Variants in SCN2A observed in about 807,000 individuals in gnomAD.
SCN2A encodes the protein sodium voltage-gated channel alpha subunit 2.
SCN2A carries 20 observed loss-of-function variants against 188.7 expected under a neutral mutation model. That is an observed-to-expected ratio of 0.11 (90% confidence interval 0.07 to 0.15). The LOEUF is 0.15. Among genes scored for constraint, SCN2A ranks in the 10% least tolerant of loss-of-function variants. The probability of loss-of-function intolerance (pLI) is 1.00; values close to 1 mark genes in which losing one functional copy is unlikely to be tolerated. For synonymous variants in SCN2A, 804 were observed against 833.1 expected, an observed-to-expected ratio of 0.97 and a Z score of 0.60; for missense variants, 1,278 against 2,445.0, an observed-to-expected ratio of 0.52 and a Z score of 10.07.
intron 1 of SCN2A, chr2:165,268,905 G>T (rs1359497643): frequency 6.6e-6 from 1 of 151,908 alleles, no homozygotes; most frequent in Non-Finnish European, 1.5e-5. Flanking sequence ...GACAAATATT[G>T]CATGATGTAA....
chr2:165,332,029 A>G (rs1698711844), intron 14 of SCN2A, among the ~76,000 whole-genome samples: 1 of 151,976 alleles, frequency 6.6e-6, no homozygotes, highest in Non-Finnish European at 1.5e-5. Context: ...TGTTTCTTCT[A>G]CAGTCTTAGC....
intron 24 of SCN2A, 23 bp downstream of exon 24, chr2:165,380,752 C>T (rs2105384822): frequency 6.5e-7 from 1 of 1,536,700 alleles, no homozygotes; most frequent in African/African-American, 1.4e-5. Flanking sequence ...AAACTTCATC[C>T]TTGCTCTGAA....
At chr2:165,385,606 A>G (rs939468006) in intron 25 of SCN2A, among the ~76,000 whole-genome samples, 2 of 152,174 alleles carry the variant, frequency 1.3e-5, no homozygotes, top group African/African-American at 4.8e-5. Context: ...GCAACCATAG[A>G]TCAGTTCTCA....
At position 165,355,802 on chromosome 2, in the gene SCN2A, GC is replaced by G. The variant is rs377465476; in HGVS notation, c.3399+1132del. Among the ~76,000 whole-genome samples, 13 of 152,186 alleles carry G rather than the reference GC, an allele frequency of 8.5e-5. No individual in the cohort carries two copies. In the East Asian group the frequency reaches 2.5e-3, roughly 29 times the overall value. ...TCACGAGGTCAGGAGTTCGAGACCA[GC>G]GTGGCCAACATGGTGAAACCCTGTC... On this transcript the variant is annotated intron_variant, in intron 17 of 26. Transcript: ENST00000375437.
intron 22 of SCN2A, among the ~76,000 whole-genome samples, chr2:165,375,586 A>G (rs959007172): frequency 6.6e-6 from 1 of 152,138 alleles, no homozygotes; most frequent in Admixed American, 6.6e-5. Flanking sequence ...AAAATGTACA[A>G]GACTTTTGTT....
At chr2:165,319,350 A>G (rs935576072) in intron 11 of SCN2A, among the ~76,000 whole-genome samples, 2 of 152,188 alleles carry the variant, frequency 1.3e-5, no homozygotes, top group African/African-American at 4.8e-5. Flanking sequence ...AAATAAATAA[A>G]TAAAAAAAAA....
chr2:165,359,192 G>A (rs1700325905), intron 17 of SCN2A, among the ~76,000 whole-genome samples: 1 of 152,086 alleles, frequency 6.6e-6, no homozygotes, highest in Non-Finnish European at 1.5e-5. Context: ...GGAATGGGAT[G>A]TAAAATGGGA....
intron 17 of SCN2A, among the ~76,000 whole-genome samples, chr2:165,359,113 A>C (rs149338956): frequency 3.7e-3 from 566 of 152,254 alleles, no homozygotes; most frequent in African/African-American, 0.013. Flanking sequence ...GCATTCTTTT[A>C]TACTTTGGAA....
rs986711333 is a variant in SCN2A at position 165,272,369 on chromosome 2, T to A, written c.-51-23404T>A. The A allele has an allele frequency of 6.6e-5, 10 of 151,950 alleles. No homozygotes were observed. In the East Asian group the frequency reaches 1.9e-3, roughly 29 times the overall value. 9.4% of individuals were successfully genotyped at this position (151,950 alleles called of 1,614,324 possible). A position where few individuals can be genotyped will look rare whatever the true frequency, so the allele number is the denominator to read the frequency against. ...ATTTCAAAATCCAAGAAGAAAAAAATGGCAGAATAAAGTAAAAAGCAGAGA... is the reference window on the plus strand; with the variant it reads ...ATTTCAAAATCCAAGAAGAAAAAAAAGGCAGAATAAAGTAAAAAGCAGAGA... On this transcript the variant is annotated intron_variant, in intron 1 of 26. Transcript: ENST00000375437.
chr2:165,300,102 C>A (rs1407184013), intron 3 of SCN2A, among the ~76,000 whole-genome samples: 1 of 152,134 alleles, frequency 6.6e-6, no homozygotes, highest in Non-Finnish European at 1.5e-5. Context: ...TTAAATAAAA[C>A]ATGATTTATT....
At chr2:165,329,468 T>G (rs932246165) in intron 13 of SCN2A, among the ~76,000 whole-genome samples, 1 of 152,174 alleles carries the variant, frequency 6.6e-6, no homozygotes, top group African/African-American at 2.4e-5. Flanking sequence ...TTTTAAAGTG[T>G]GAGATTCCCC....
At chr2:165,269,493 C>G (rs1695013079) in intron 1 of SCN2A, 1 of 152,006 alleles carries the variant, frequency 6.6e-6, no homozygotes, top group South Asian at 2.1e-4. Flanking sequence ...ATTTTGGCTT[C>G]CTTTGGTAAA....
chr2:165,336,318 T>C (rs1159142785), intron 14 of SCN2A, among the ~76,000 whole-genome samples: 1 of 151,926 alleles, frequency 6.6e-6, no homozygotes, highest in African/African-American at 2.4e-5. Flanking sequence ...TTATTCATAA[T>C]ACTAAAAATT....
chr2:165,257,242 T>C (rs1694366440), intron 1 of SCN2A, among the ~76,000 whole-genome samples: 1 of 152,186 alleles, frequency 6.6e-6, no homozygotes, highest in Admixed American at 6.6e-5. Context: ...TGTCCTGCTA[T>C]TGCTGCAAAA....
At chr2:165,275,683 G>A (rs1243627867) in intron 1 of SCN2A, among the ~76,000 whole-genome samples, 1 of 152,140 alleles carries the variant, frequency 6.6e-6, no homozygotes, top group Non-Finnish European at 1.5e-5. Flanking sequence ...GAAAGACAGA[G>A]AAAAGAGCAT....
rs370024759 is a variant in SCN2A, at chr2:165,326,938, G to A, written c.2103G>A (p.Arg701=). 1.2e-6 allele frequency: 2 copies of A among 1,613,966 alleles called. No homozygotes were observed. The highest frequency in any genetic ancestry group is 2.2e-5 in the East Asian group (1 of 44,856). The change falls in exon 13 of 27, where the codon AGG becomes AGA. Residue 701 remains arginine, a synonymous_variant. Coordinates refer to ENST00000375437, the MANE Select transcript of SCN2A (RefSeq NM_001040142.2). ...ATTTATTGGAAGATCCTACATCAAGGCAAAGAGCAATGAGTATAGCCAGTA... is the reference window on the plus strand; with the variant it reads ...ATTTATTGGAAGATCCTACATCAAGACAAAGAGCAATGAGTATAGCCAGTA... ...SMDLLEDPTS[R]QRAMSIASIL...
intron 1 of SCN2A, among the ~76,000 whole-genome samples, chr2:165,252,087 A>G (rs1379770373): frequency 6.6e-6 from 1 of 152,042 alleles, no homozygotes; most frequent in Non-Finnish European, 1.5e-5. Context: ...AGAAAATCTT[A>G]TATTGTTGGT....
rs1701909134 is a variant in SCN2A at position 165,387,015 on chromosome 2, A to G, written c.4821A>G (p.Val1607=). 2 of 1,613,284 alleles carry G rather than the reference A, an allele frequency of 1.2e-6. No individual in the cohort carries two copies. The highest frequency in any genetic ancestry group is 1.7e-6 in the Non-Finnish European group (2 of 1,179,414). Residue 1607 remains valine, a splice_region_variant and synonymous_variant, in exon 26 of 27, where the codon GTA becomes GTG. Coordinates refer to ENST00000375437, the MANE Select transcript of SCN2A (RefSeq NM_001040142.2). ...TTGTGGTGGTCATTCTCTCCATTGT[A>G]GGTAAGAAGAGGTGCTTTTATTCAG... ...FDFVVVILSI[V]GMFLAELIEK...
rs1574755053 is a variant in SCN2A at position 165,389,810 on chromosome 2, GAAAGTAA to G, written c.6016_*4del. 6.2e-7 allele frequency: 1 copy of G among 1,609,900 alleles called. No homozygotes were observed. Among genetic ancestry groups the G allele is most frequent in the Non-Finnish European group, 8.5e-7 (1 of 1,177,946 alleles). ...GGAAGACAAAGGGAAAGATATCAGGGAAAGTAAAAAGTAAAAAGAAACCAAGAATTTT... is the reference window on the plus strand; with the variant it reads ...GGAAGACAAAGGGAAAGATATCAGGGAAAGTAAAAAGAAACCAAGAATTTT... On this transcript the variant is annotated frameshift_variant, in exon 27 of 27. Coordinates refer to ENST00000375437, the MANE Select transcript of SCN2A (RefSeq NM_001040142.2). LOFTEE classifies it high-confidence loss of function. This position sits in a 1 kb window ranked among gnomAD's most constrained non-coding sequence, Gnocchi z 4.2.
Sources: gnomAD v4.1 joint callset for allele counts (sites outside exome capture counted in the v4.1 genomes callset) on GRCh38, gnomAD v4.1.1 for gene constraint, Gnocchi (gnomAD v3.1) non-coding constraint, MANE v1.5 for transcripts, NCBI Gene and HGNC (gene_info 2026-07-23, HGNC 2026-07-21) for gene names.